The following DLG2 variants were observed in gnomAD, a reference collection of about 807,000 sequenced individuals.
The protein encoded by DLG2 is disks large homolog 2.
A neutral mutation model predicts 132.5 loss-of-function variants in DLG2; 45 were observed. That is an observed-to-expected ratio of 0.34 (90% CI 0.27 to 0.44). The LOEUF is 0.44. DLG2 is among the 20% of genes least tolerant of loss of function. The pLI, the probability that DLG2 is intolerant of heterozygous loss-of-function variation, is 1.00. For missense variants in DLG2, 1,045 were observed against 1,196.9 expected (o/e 0.87, Z 1.87); for synonymous variants, 424 against 419.6 (o/e 1.01, Z -0.13).
chr11:85,238,847 T>A (rs975727172), intron 4 of DLG2, among the ~76,000 whole-genome samples: 33 of 151,878 alleles, frequency 2.2e-4, no homozygotes, highest in Non-Finnish European at 4.0e-4. Flanking sequence ...TTTTTTTTTT[T>A]AACAATCATC....
intron 3 of DLG2, among the ~76,000 whole-genome samples, chr11:85,312,127 A>C (rs911744324): frequency 1.3e-5 from 2 of 151,986 alleles, no homozygotes; most frequent in African/African-American, 2.4e-5. Context: ...CTCTATAGTA[A>C]AATGTGTCAC....
intron 8 of DLG2, among the ~76,000 whole-genome samples, chr11:84,199,306 A>T (rs964190123): frequency 2.6e-5 from 4 of 152,136 alleles, no homozygotes; most frequent in Non-Finnish European, 5.9e-5. Context: ...TCACACACTC[A>T]CCCGATATTA....
At chr11:85,433,077 C>T (rs1217459818) in intron 3 of DLG2, among the ~76,000 whole-genome samples, 18 of 152,084 alleles carry the variant, frequency 1.2e-4, no homozygotes, top group Admixed American at 1.2e-3. Flanking sequence ...TAAGCTTCAT[C>T]AGCAAAGGAG....
chr11:84,970,020 G>A (rs539343020), intron 6 of DLG2, among the ~76,000 whole-genome samples: 1 of 152,028 alleles, frequency 6.6e-6, no homozygotes, highest in Admixed American at 6.6e-5. Context: ...CCTTTTGTGG[G>A]GTGGGGGGCT....
At chr11:84,987,499 C>T (rs2056626949) in intron 6 of DLG2, among the ~76,000 whole-genome samples, 1 of 152,106 alleles carries the variant, frequency 6.6e-6, no homozygotes, top group Middle Eastern at 3.2e-3. Flanking sequence ...GGAGGCATCA[C>T]ATTACCTGAT....
At chr11:85,323,014 AT>A (rs1323951712) in intron 3 of DLG2, among the ~76,000 whole-genome samples, 1 of 152,226 alleles carries the variant, frequency 6.6e-6, no homozygotes, top group Non-Finnish European at 1.5e-5. Context: ...TGTTCATTGC[AT>A]TTATTAATAA....
chr11:83,507,796 A>ATG (rs1555126487), intron 21 of DLG2, among the ~76,000 whole-genome samples: 15 of 114,924 alleles, frequency 1.3e-4, no homozygotes, highest in East Asian at 7.7e-4. Context: ...ATATATATAT[A>ATG]TATGTATATA....
In DLG2 at chr11:84,638,067, T is replaced by G. The variant is rs553372398; in HGVS notation, c.358-103336A>C. Among the ~76,000 whole-genome samples, 4 of 152,364 alleles carry G rather than the reference T, an allele frequency of 2.6e-5. No homozygotes were observed. The South Asian group carries it at 8.3e-4, about 32-fold the overall frequency. ...TTTGCTTGTTTGGCTGATTTCATCTTTGATTTAGCAGTTCCAACCTCTACT... is the reference window on the plus strand; with the variant it reads ...TTTGCTTGTTTGGCTGATTTCATCTGTGATTTAGCAGTTCCAACCTCTACT... On this transcript the variant is annotated intron_variant, in intron 6 of 27. Coordinates refer to ENST00000376104, the MANE Select transcript of DLG2 (RefSeq NM_001142699.3).
intron 9 of DLG2, among the ~76,000 whole-genome samples, chr11:84,116,622 T>A (rs1471601067): frequency 6.6e-6 from 1 of 152,080 alleles, no homozygotes; most frequent in African/African-American, 2.4e-5. Flanking sequence ...TCCCACTAGG[T>A]CCCTCCCATG....
At chr11:83,679,312 A>G (rs534757641) in intron 18 of DLG2, among the ~76,000 whole-genome samples, 2 of 152,294 alleles carry the variant, frequency 1.3e-5, no homozygotes, top group South Asian at 4.1e-4. Context: ...AACTATATTT[A>G]CTAGTATTGT....
intron 6 of DLG2, among the ~76,000 whole-genome samples, chr11:85,011,412 T>A (rs1331734383): frequency 6.6e-6 from 1 of 152,180 alleles, no homozygotes; most frequent in Admixed American, 6.5e-5. Flanking sequence ...TGGCACTACA[T>A]AGAAATATAC....
At chr11:84,642,353 A>G (rs1460937970) in intron 6 of DLG2, among the ~76,000 whole-genome samples, 1 of 151,898 alleles carries the variant, frequency 6.6e-6, no homozygotes. Flanking sequence ...AGCTTTTCCT[A>G]CCTAAATTGC....
intron 16 of DLG2, among the ~76,000 whole-genome samples, chr11:83,852,100 C>G (rs555933923): frequency 6.6e-6 from 1 of 152,116 alleles, no homozygotes; most frequent in Non-Finnish European, 1.5e-5. Context: ...TTCAGAGGGA[C>G]CAGGGCCTGC....
intron 15 of DLG2, among the ~76,000 whole-genome samples, chr11:83,883,120 T>G: frequency 6.6e-6 from 1 of 152,226 alleles, no homozygotes. Flanking sequence ...ATTAGTACAA[T>G]CTTACACTTT....
intron 6 of DLG2, among the ~76,000 whole-genome samples, chr11:84,734,229 A>G (rs948658870): frequency 3.9e-5 from 6 of 152,224 alleles, no homozygotes; most frequent in African/African-American, 1.4e-4. Flanking sequence ...TACCTTGGGC[A>G]GTATGGCCGT....
chr11:83,503,797 C>T (rs146085800), intron 21 of DLG2, among the ~76,000 whole-genome samples: 70 of 152,236 alleles, frequency 4.6e-4, no homozygotes, highest in African/African-American at 1.5e-3. Context: ...CATCTAGGAT[C>T]AATAGTTTGC....
intron 4 of DLG2, among the ~76,000 whole-genome samples, chr11:85,254,487 T>C (rs920128500): frequency 2.0e-5 from 3 of 152,314 alleles, no homozygotes; most frequent in East Asian, 1.9e-4. Context: ...TTTAGGTACA[T>C]TTATGTTTTC....
At chr11:84,925,136 A>G (rs1304611979) in intron 6 of DLG2, among the ~76,000 whole-genome samples, 1 of 152,074 alleles carries the variant, frequency 6.6e-6, no homozygotes, top group Admixed American at 6.6e-5. Context: ...TTTCCATTAG[A>G]AGCTGGGAAA....
At chr11:83,751,746 T>C (rs559822035) in intron 18 of DLG2, among the ~76,000 whole-genome samples, 7 of 152,222 alleles carry the variant, frequency 4.6e-5, no homozygotes, top group African/African-American at 1.7e-4. Flanking sequence ...AAGTTTCTGG[T>C]TGTAGAAAGT....
Sources: gnomAD v4.1 joint callset for allele counts (sites outside exome capture counted in the v4.1 genomes callset) on GRCh38, gnomAD v4.1.1 for gene constraint, MANE v1.5 for transcripts, NCBI Gene and HGNC (gene_info 2026-07-23, HGNC 2026-07-21) for gene names.